Variants in KTN1 observed in about 807,000 individuals in gnomAD.
The protein encoded by KTN1 is kinectin 1.
Under a neutral mutation model 222.5 loss-of-function variants are expected in KTN1, and 130 were observed. The observed-to-expected ratio is 0.58, with a 90% CI of 0.51 to 0.68. KTN1 has a LOEUF of 0.68. Among genes scored for constraint, KTN1 ranks in the 30% least tolerant of loss-of-function variants. The probability of loss-of-function intolerance (pLI) is 0.00; values close to 1 mark genes in which losing one functional copy is unlikely to be tolerated. For synonymous variants in KTN1, 512 were observed against 496.3 expected, an observed-to-expected ratio of 1.03 and a Z score of -0.42; for missense variants, 1,508 against 1,500.4, an observed-to-expected ratio of 1.01 and a Z score of -0.08.
At position 55,661,517 on chromosome 14, in the gene KTN1, T is replaced by C. The variant is rs375593472; in HGVS notation, c.3000-5T>C. 21 of 1,540,046 alleles carry C rather than the reference T, an allele frequency of 1.4e-5. No homozygotes were observed. Among genetic ancestry groups the C allele is most frequent in the Non-Finnish European group, 1.9e-5 (21 of 1,113,312 alleles). On this transcript the variant is annotated splice_polypyrimidine_tract_variant and splice_region_variant and intron_variant, in intron 31 of 43. Transcript: ENST00000395314. ...CTTGCTACATGTATTCATGTTCTGG[T>C]TTAGAATTTCAGAAAGAGAGAAAGA...
intron 5 of KTN1, among the ~76,000 whole-genome samples, chr14:55,621,160 C>T (rs1246448857): frequency 6.6e-6 from 1 of 152,150 alleles, no homozygotes; most frequent in Non-Finnish European, 1.5e-5. Context: ...ACATGTTCCT[C>T]ATCTCCATCT....
chr14:55,613,710 C>T (rs2037940824), intron 2 of KTN1, among the ~76,000 whole-genome samples: 1 of 152,026 alleles, frequency 6.6e-6, no homozygotes. Context: ...CTCAAATGAT[C>T]CGCCTGCCTT....
rs2041672245 is a variant in KTN1, at chr14:55,640,532, TGTAA to T, written c.1983+95_1983+98del. The T allele has an allele frequency of 5.8e-6, 5 of 863,548 alleles. No homozygotes were observed. In the East Asian group the frequency reaches 1.3e-4, roughly 22 times the overall value. The allele number at this position is 863,548 out of a possible 1,614,324, so 53.5% of individuals were successfully genotyped here. A position where few individuals can be genotyped will look rare whatever the true frequency, so the allele number is the denominator to read the frequency against. On this transcript the variant is annotated intron_variant, in intron 15 of 43. Coordinates refer to ENST00000395314, the MANE Select transcript of KTN1 (RefSeq NM_001079521.2). ...GATATTGTGAGCCCCAATTTGATTG[TGTAA>T]GTAAAAAATATAATGGTTTATCATC...
At chr14:55,605,159 T>C (rs2036551607) in intron 1 of KTN1, among the ~76,000 whole-genome samples, 1 of 152,246 alleles carries the variant, frequency 6.6e-6, no homozygotes, top group South Asian at 2.1e-4. Flanking sequence ...TATTAGTTGT[T>C]CCACCCAAGT....
intron 40 of KTN1, 24 bp downstream of exon 40, chr14:55,673,279 G>A: frequency 2.0e-6 from 3 of 1,468,302 alleles, no homozygotes; most frequent in South Asian, 1.1e-5. Flanking sequence ...CCTCCACTGG[G>A]TATCAAGTAG....
intron 1 of KTN1, among the ~76,000 whole-genome samples, chr14:55,609,373 A>G (rs1301862813): frequency 1.3e-5 from 2 of 151,888 alleles, no homozygotes; most frequent in African/African-American, 4.8e-5. Flanking sequence ...TTGATTCTTC[A>G]TCTCTTGGTG....
At chr14:55,672,094 G>T in intron 37 of KTN1, 1 of 481,696 alleles carries the variant, frequency 2.1e-6, no homozygotes, top group Non-Finnish European at 3.7e-6. Context: ...ATGACTAAAG[G>T]GTAATCATAT....
chr14:55,633,100 A>G, intron 7 of KTN1, 135 bp from the exon 8 acceptor site: 1 of 467,654 alleles, frequency 2.1e-6, no homozygotes, highest in Non-Finnish European at 3.8e-6. Context: ...AAATTTGTTT[A>G]TATTTATTTG....
At chr14:55,642,966 G>T (rs2041951318) in intron 18 of KTN1, among the ~76,000 whole-genome samples, 1 of 150,744 alleles carries the variant, frequency 6.6e-6, no homozygotes, top group African/African-American at 2.4e-5. Flanking sequence ...CTGGAGTTCA[G>T]TAGCACTATC....
intron 5 of KTN1, among the ~76,000 whole-genome samples, chr14:55,625,037 G>A (rs886839759): frequency 6.6e-6 from 1 of 152,144 alleles, no homozygotes; most frequent in Non-Finnish European, 1.5e-5. Context: ...TTGTGTGAGT[G>A]CACACATGCC....
intron 20 of KTN1, among the ~76,000 whole-genome samples, chr14:55,648,326 T>C (rs550965306): frequency 6.6e-6 from 1 of 152,352 alleles, no homozygotes; most frequent in African/African-American, 2.4e-5. Flanking sequence ...ACTATTGTTA[T>C]AGTTTGTCAG....
At chr14:55,645,416 A>G (rs2042190103) in intron 18 of KTN1, among the ~76,000 whole-genome samples, 2 of 152,164 alleles carry the variant, frequency 1.3e-5, no homozygotes, top group South Asian at 4.1e-4. Flanking sequence ...AGAGTGTTGC[A>G]AGGATAAATG....
At chr14:55,671,076 C>G (rs1265510088) in intron 35 of KTN1, among the ~76,000 whole-genome samples, 1 of 152,032 alleles carries the variant, frequency 6.6e-6, no homozygotes, top group African/African-American at 2.4e-5. Context: ...CCCTTACTAT[C>G]TTTTTAGCCT....
rs1362112577 is a variant in KTN1 at position 55,637,235 on chromosome 14, A to G, written c.1587A>G (p.Val529=). 4 of 1,608,832 alleles carry G rather than the reference A, an allele frequency of 2.5e-6. No individual in the cohort carries two copies. The highest frequency in any genetic ancestry group is 3.4e-6 in the Non-Finnish European group (4 of 1,176,892). ...AATTTGTGGCCAAAGAAAATGAAGT[A>G]CAGAGTCTGCATAGTAAGCTTACAG... ...QSKFVAKENE[V]QSLHSKLTDT... is the part of the protein sequence containing the mutation. The change falls in exon 11 of 44, where the codon GTA becomes GTG. Residue 529 remains valine (V), a synonymous_variant. Transcript: ENST00000395314.
At position 55,670,944 on chromosome 14, in the gene KTN1, C is replaced by A. The variant is rs2045389963; in HGVS notation, c.3348+135C>A. 3 of 536,058 alleles carry A rather than the reference C, an allele frequency of 5.6e-6. No homozygotes were observed. In the East Asian group the frequency reaches 9.6e-5, roughly 17 times the overall value. The allele number at this position is 536,058 out of a possible 1,614,324, so 33.2% of individuals were successfully genotyped here. A position where few individuals can be genotyped will look rare whatever the true frequency, so the allele number is the denominator to read the frequency against. ...TTGAGAAAGTGTAAGAAGGTGATTT[C>A]ATTTTGTTTAAATTTTAGTTGAAAT... On this transcript the variant is annotated intron_variant, in intron 35 of 43. Transcript: ENST00000395314.
intron 1 of KTN1, among the ~76,000 whole-genome samples, chr14:55,600,861 C>G (rs528945641): frequency 6.6e-6 from 1 of 151,836 alleles, no homozygotes; most frequent in African/African-American, 2.4e-5. Flanking sequence ...TTCAGTTTGT[C>G]TAATTATAAA....
chr14:55,661,145 A>G (rs2044099054), intron 31 of KTN1: 1 of 154,506 alleles, frequency 6.5e-6, no homozygotes, highest in South Asian at 2.1e-4. Context: ...CCCTCTGGAA[A>G]AAAAAATATA....
chr14:55,674,074 C>T (rs546102805), intron 40 of KTN1: 1 of 152,094 alleles, frequency 6.6e-6, no homozygotes, highest in South Asian at 2.1e-4. Context: ...CCAAAGTTCA[C>T]CCTGCCCAGT....
At chr14:55,600,086 C>T (rs72719463) in intron 1 of KTN1, among the ~76,000 whole-genome samples, 49,040 of 149,274 alleles carry the variant, frequency 0.33, 8,279 homozygotes, top group South Asian at 0.4. Context: ...ATTTCATGTT[C>T]AGTTTGTGAG....
Sources: gnomAD v4.1 joint callset for allele counts (sites outside exome capture counted in the v4.1 genomes callset) on GRCh38, gnomAD v4.1.1 for gene constraint, MANE v1.5 for transcripts, NCBI Gene and HGNC (gene_info 2026-07-23, HGNC 2026-07-21) for gene names.